The following C12orf42 variants were observed in gnomAD, a reference collection of about 807,000 sequenced individuals.
The protein encoded by C12orf42 is uncharacterized protein C12orf42.
A neutral mutation model predicts 21.6 loss-of-function variants in C12orf42; 25 were observed. The observed-to-expected ratio is 1.16, with a 90% CI of 0.84 to 1.62. The LOEUF (loss-of-function observed/expected upper bound fraction) is 1.62. Ranked by LOEUF, C12orf42 falls within the 40% of genes most tolerant of loss-of-function variation. The pLI is 0.00. For synonymous variants in C12orf42, 174 were observed against 175.0 expected (o/e 0.99, Z 0.05); for missense variants, 483 against 459.3 (o/e 1.05, Z -0.47).
chr12:103,469,959 C>T (rs951676824), intron 2 of C12orf42, among the ~76,000 whole-genome samples: 1 of 151,990 alleles, frequency 6.6e-6, no homozygotes, highest in African/African-American at 2.4e-5. Flanking sequence ...CATATTTGGG[C>T]CATTTAGAAA....
chr12:103,125,830 GT>G, the C12orf42 span, among the ~76,000 whole-genome samples: 2 of 152,148 alleles, frequency 1.3e-5, no homozygotes, highest in Non-Finnish European at 2.9e-5. Flanking sequence ...GGAAAAGAAT[GT>G]CTTCACCATA....
the C12orf42 span, among the ~76,000 whole-genome samples, chr12:103,101,227 T>C: frequency 6.6e-6 from 1 of 152,360 alleles, no homozygotes. Context: ...TTGGGTAGAA[T>C]GGTCCACTAG....
chr12:103,344,315 T>C (rs575397451), intron 4 of C12orf42, among the ~76,000 whole-genome samples: 4 of 152,310 alleles, frequency 2.6e-5, no homozygotes, highest in Admixed American at 1.3e-4. Context: ...GAAATGGTCA[T>C]GTGGATGACA....
chr12:103,382,575 T>TCCATGG (rs1470036432), intron 3 of C12orf42, among the ~76,000 whole-genome samples: 2 of 152,182 alleles, frequency 1.3e-5, no homozygotes, highest in Admixed American at 1.3e-4. Context: ...GATGTACATC[T>TCCATGG]CCATGGCACT....
chr12:103,105,063 G>A, the C12orf42 span, among the ~76,000 whole-genome samples: 1 of 152,086 alleles, frequency 6.6e-6, no homozygotes, highest in Admixed American at 6.5e-5. Context: ...CACAAGTAAG[G>A]ATTTGTCTTA....
At chr12:103,316,053 TATAC>T (rs986501424) in intron 4 of C12orf42, among the ~76,000 whole-genome samples, 2 of 150,942 alleles carry the variant, frequency 1.3e-5, no homozygotes, top group African/African-American at 4.9e-5. Flanking sequence ...AGTATATATA[TATAC>T]ACACACACAC....
intron 3 of C12orf42, among the ~76,000 whole-genome samples, chr12:103,371,582 AT>A (rs542530537): frequency 9.8e-5 from 15 of 152,324 alleles, no homozygotes; most frequent in South Asian, 6.2e-4. Flanking sequence ...AATTTCTACC[AT>A]TTTAAAGAGA....
chr12:103,238,619 C>A (rs1328547410), intron 10 of C12orf42, among the ~76,000 whole-genome samples: 1 of 152,198 alleles, frequency 6.6e-6, no homozygotes. Context: ...ACTGTTGTTT[C>A]TTTGGAGCCA....
intron 2 of C12orf42, among the ~76,000 whole-genome samples, chr12:103,458,363 CA>C (rs1444140016): frequency 6.6e-6 from 1 of 151,972 alleles, no homozygotes; most frequent in East Asian, 1.9e-4. Flanking sequence ...GAATTCTCTG[CA>C]AGACTGCTCT....
At chr12:103,128,144 A>G in the C12orf42 span, among the ~76,000 whole-genome samples, 15 of 152,210 alleles carry the variant, frequency 9.9e-5, no homozygotes, top group African/African-American at 3.6e-4. Flanking sequence ...GGAACCACCA[A>G]CAATTTGAGG....
At chr12:103,134,702 G>C in the C12orf42 span, among the ~76,000 whole-genome samples, 1 of 152,142 alleles carries the variant, frequency 6.6e-6, no homozygotes, top group African/African-American at 2.4e-5. Flanking sequence ...TTTAAGAAAA[G>C]AGTAGCTGAA....
chr12:103,133,824 G>A, the C12orf42 span, among the ~76,000 whole-genome samples: 4 of 152,208 alleles, frequency 2.6e-5, no homozygotes, highest in East Asian at 5.8e-4. Flanking sequence ...TCATGATAGT[G>A]AGTGAGCTCT....
intron 4 of C12orf42, among the ~76,000 whole-genome samples, chr12:103,325,827 A>G (rs539221807): frequency 6.6e-6 from 1 of 152,288 alleles, no homozygotes; most frequent in African/African-American, 2.4e-5. Context: ...CGTGGCAGAA[A>G]TGATATGGAG....
At chr12:103,476,560 C>T (rs747259136) in intron 2 of C12orf42, among the ~76,000 whole-genome samples, 19 of 152,190 alleles carry the variant, frequency 1.2e-4, no homozygotes, top group Admixed American at 7.9e-4. Flanking sequence ...AAGGATTGTG[C>T]TTGGGCTGTT....
intron 4 of C12orf42, among the ~76,000 whole-genome samples, chr12:103,318,033 G>T (rs1174695851): frequency 6.6e-6 from 1 of 152,138 alleles, no homozygotes; most frequent in African/African-American, 2.4e-5. Flanking sequence ...TGGGCACGGT[G>T]GCTCACGTCT....
chr12:103,341,580 G>T (rs2042179304), intron 4 of C12orf42, among the ~76,000 whole-genome samples: 1 of 152,114 alleles, frequency 6.6e-6, no homozygotes, highest in Non-Finnish European at 1.5e-5. Flanking sequence ...CAAAAGAACA[G>T]AGAACAAATG....
At chr12:103,279,764 A>T (rs1345003302) in intron 4 of C12orf42, among the ~76,000 whole-genome samples, 4 of 152,236 alleles carry the variant, frequency 2.6e-5, no homozygotes, top group Non-Finnish European at 5.9e-5. Context: ...GTTTGAATAC[A>T]GGCAGGAGAA....
chr12:103,541,177 T>TACAG, the C12orf42 span, among the ~76,000 whole-genome samples: 2 of 152,236 alleles, frequency 1.3e-5, no homozygotes, highest in African/African-American at 4.8e-5. Flanking sequence ...GTGCTAGGAT[T>TACAG]ACAGATGTGA....
the C12orf42 span, among the ~76,000 whole-genome samples, chr12:103,520,917 T>G: frequency 6.6e-6 from 1 of 152,166 alleles, no homozygotes; most frequent in East Asian, 1.9e-4. Flanking sequence ...TGTGAAGCCT[T>G]CCCCCAAAAC....
Sources: gnomAD v4.1 joint callset for allele counts (sites outside exome capture counted in the v4.1 genomes callset) on GRCh38, gnomAD v4.1.1 for gene constraint, MANE v1.5 for transcripts, NCBI Gene and HGNC (gene_info 2026-07-23, HGNC 2026-07-21) for gene names.